ZBTB20: variants seen among roughly 807,000 people sequenced by gnomAD.
ZBTB20 encodes the protein zinc finger and BTB domain-containing protein 20.
Under a neutral mutation model 56.9 loss-of-function variants are expected in ZBTB20, and 9 were observed. The ratio of observed to expected loss-of-function variants is 0.16; its 90% CI spans 0.10 to 0.28. The LOEUF is 0.28. Ranked by LOEUF, ZBTB20 falls within the 10% of genes least tolerant of loss-of-function variation. The probability of loss-of-function intolerance (pLI) is 1.00; values close to 1 mark genes in which losing one functional copy is unlikely to be tolerated. For missense variants in ZBTB20, 655 were observed against 1,003.0 expected (o/e 0.65, Z 4.69); for synonymous variants, 417 against 420.7 (o/e 0.99, Z 0.11).
At chr3:114,525,895 A>G (rs1347879802) in intron 6 of ZBTB20, among the ~76,000 whole-genome samples, 1 of 152,168 alleles carries the variant, frequency 6.6e-6, no homozygotes, top group Non-Finnish European at 1.5e-5. Flanking sequence ...ACCAACCCCT[A>G]TGTCCACTAC....
At chr3:114,989,930 C>T (rs562691882) in intron 2 of ZBTB20, among the ~76,000 whole-genome samples, 157 of 152,018 alleles carry the variant, frequency 1.0e-3, no homozygotes, top group Middle Eastern at 3.4e-3. Flanking sequence ...TAAGAATGTT[C>T]GTGATTTTTG....
intron 11 of ZBTB20, among the ~76,000 whole-genome samples, chr3:114,345,981 C>A (rs1349154245): frequency 3.9e-5 from 6 of 152,068 alleles, no homozygotes; most frequent in Admixed American, 2.6e-4. Flanking sequence ...AATTCTGTTG[C>A]TTTCAAACAT....
intron 5 of ZBTB20, among the ~76,000 whole-genome samples, chr3:114,738,104 G>A (rs1560189336): frequency 2.0e-5 from 3 of 151,728 alleles, no homozygotes; most frequent in African/African-American, 7.3e-5. Context: ...CTTTAAAATT[G>A]AGCTTTCCTT....
intron 1 of ZBTB20, among the ~76,000 whole-genome samples, chr3:115,141,059 T>A (rs1029115872): frequency 6.6e-6 from 1 of 152,122 alleles, no homozygotes; most frequent in African/African-American, 2.4e-5. Context: ...TGTAAGTATA[T>A]CATTACAATC....
chr3:114,478,940 G>T (rs1390510443), intron 7 of ZBTB20, among the ~76,000 whole-genome samples: 2 of 152,168 alleles, frequency 1.3e-5, no homozygotes, highest in Non-Finnish European at 2.9e-5. Context: ...CTCTGCCTCA[G>T]ACAGTACATT....
chr3:115,018,280 T>C (rs959549818), intron 2 of ZBTB20, among the ~76,000 whole-genome samples: 1 of 143,160 alleles, frequency 7.0e-6, no homozygotes, highest in Non-Finnish European at 1.6e-5. Flanking sequence ...ATCCTTTAAA[T>C]AAAAAAAAAA....
At chr3:114,660,402 GAC>G (rs2060656549) in intron 6 of ZBTB20, among the ~76,000 whole-genome samples, 1 of 152,128 alleles carries the variant, frequency 6.6e-6, no homozygotes, top group Non-Finnish European at 1.5e-5. Context: ...CATACAGAAA[GAC>G]ACAAAAACAC....
At chr3:115,053,446 C>T (rs1403009073) in intron 2 of ZBTB20, among the ~76,000 whole-genome samples, 1 of 152,136 alleles carries the variant, frequency 6.6e-6, no homozygotes, top group Non-Finnish European at 1.5e-5. Context: ...GAGAAGTAAA[C>T]AGGGATGGAA....
intron 6 of ZBTB20, among the ~76,000 whole-genome samples, chr3:114,586,036 C>T (rs1282210416): frequency 2.0e-5 from 3 of 152,140 alleles, no homozygotes; most frequent in Admixed American, 6.5e-5. Flanking sequence ...ACAAGCAAGT[C>T]ATTTGTGCAA....
At chr3:114,605,573 C>T (rs1013912330) in intron 6 of ZBTB20, among the ~76,000 whole-genome samples, 1 of 152,054 alleles carries the variant, frequency 6.6e-6, no homozygotes, top group African/African-American at 2.4e-5. Context: ...ATAATTTTTG[C>T]CCCCAAATAT....
chr3:114,687,961 G>A (rs1360969462), intron 6 of ZBTB20: 2 of 152,188 alleles, frequency 1.3e-5, no homozygotes, highest in Non-Finnish European at 2.9e-5. Context: ...CGGGCGCGGT[G>A]TCTCACATCT....
chr3:114,945,138 T>C (rs1006196010), intron 3 of ZBTB20, among the ~76,000 whole-genome samples: 1 of 145,182 alleles, frequency 6.9e-6, no homozygotes, highest in African/African-American at 2.8e-5. Flanking sequence ...GCAAAACATA[T>C]ATATACACAA....
intron 2 of ZBTB20, among the ~76,000 whole-genome samples, chr3:114,994,497 G>C (rs995851411): frequency 6.6e-6 from 1 of 151,864 alleles, no homozygotes; most frequent in African/African-American, 2.4e-5. Flanking sequence ...TAGCTTAAAA[G>C]TATGTAACAG....
At chr3:114,429,481 A>G (rs1435343306) in intron 7 of ZBTB20, among the ~76,000 whole-genome samples, 1 of 152,172 alleles carries the variant, frequency 6.6e-6, no homozygotes, top group Middle Eastern at 3.2e-3. Flanking sequence ...CCTAAATTCA[A>G]TGCCCTAACT....
chr3:114,848,890 A>G (rs2074854804), intron 4 of ZBTB20, among the ~76,000 whole-genome samples: 1 of 152,188 alleles, frequency 6.6e-6, no homozygotes. Context: ...AATCAGCAGG[A>G]TAATGTGCTA....
At chr3:114,520,316 G>A (rs913246479) in intron 6 of ZBTB20, among the ~76,000 whole-genome samples, 1 of 152,184 alleles carries the variant, frequency 6.6e-6, no homozygotes, top group East Asian at 1.9e-4. Flanking sequence ...ATAGGGGGAC[G>A]TCATTAACAA....
chr3:115,004,318 A>C (rs542772993), intron 2 of ZBTB20, among the ~76,000 whole-genome samples: 6 of 151,904 alleles, frequency 3.9e-5, no homozygotes, highest in Admixed American at 3.9e-4. Context: ...GTCTAAAATG[A>C]CCAAAAAGAT....
At chr3:115,032,739 GA>G (rs2080742647) in intron 2 of ZBTB20, among the ~76,000 whole-genome samples, 1 of 150,964 alleles carries the variant, frequency 6.6e-6, no homozygotes, top group African/African-American at 2.4e-5. Flanking sequence ...GTAACAAAAT[GA>G]AAACAGTTAG....
intron 5 of ZBTB20, among the ~76,000 whole-genome samples, chr3:114,769,914 C>T (rs2069078302): frequency 6.6e-6 from 1 of 150,804 alleles, no homozygotes; most frequent in African/African-American, 2.4e-5. Flanking sequence ...CAAAAATTAG[C>T]TGGGCATGGT....
Sources: gnomAD v4.1 joint callset for allele counts (sites outside exome capture counted in the v4.1 genomes callset) on GRCh38, gnomAD v4.1.1 for gene constraint, MANE v1.5 for transcripts, NCBI Gene and HGNC (gene_info 2026-07-23, HGNC 2026-07-21) for gene names.